Variants in CSMD1 observed in about 807,000 individuals in gnomAD.
CSMD1 encodes CUB and Sushi multiple domains 1.
A neutral mutation model predicts 417.5 loss-of-function variants in CSMD1; 213 were observed. The observed-to-expected ratio is 0.51, with a 90% confidence interval of 0.46 to 0.57. The LOEUF (loss-of-function observed/expected upper bound fraction) is 0.57, where lower values mean the gene tolerates loss of function less well. Among genes scored for constraint, CSMD1 ranks in the 20% least tolerant of loss-of-function variants. CSMD1 has a pLI of 0.00. For synonymous variants in CSMD1, 2,862 were observed against 1,736.8 expected (o/e 1.65, Z -16.11); for missense variants, 6,923 against 4,529.7 (o/e 1.53, Z -15.17).
intron 1 of CSMD1, among the ~76,000 whole-genome samples, chr8:4,767,550 G>C (rs1812546902): frequency 6.6e-6 from 1 of 152,110 alleles, no homozygotes; most frequent in Non-Finnish European, 1.5e-5. Flanking sequence ...ATCCTGTCCT[G>C]TGTGTTCTGG....
At chr8:4,455,031 G>C (rs28483476) in intron 2 of CSMD1, among the ~76,000 whole-genome samples, 1 of 151,938 alleles carries the variant, frequency 6.6e-6, no homozygotes, top group African/African-American at 2.4e-5. Context: ...TCAGTCCGCT[G>C]TCATCAACAC....
intron 6 of CSMD1, among the ~76,000 whole-genome samples, chr8:3,740,248 G>T (rs1365095571): frequency 6.6e-6 from 1 of 152,272 alleles, no homozygotes; most frequent in South Asian, 2.1e-4. Context: ...TGACACTGCA[G>T]GCACCTGCCA....
chr8:4,704,664 G>T (rs1807804898), intron 1 of CSMD1, among the ~76,000 whole-genome samples: 1 of 152,132 alleles, frequency 6.6e-6, no homozygotes, highest in Admixed American at 6.5e-5. Context: ...GTCATTTAAA[G>T]AAAACCAATT....
chr8:3,916,895 G>A (rs527803616), intron 5 of CSMD1, among the ~76,000 whole-genome samples: 1 of 140,436 alleles, frequency 7.1e-6, no homozygotes, highest in African/African-American at 2.5e-5. Flanking sequence ...TCATGAAACA[G>A]AATGAGACAT....
At chr8:4,451,228 G>A (rs966489657) in intron 2 of CSMD1, among the ~76,000 whole-genome samples, 2 of 152,080 alleles carry the variant, frequency 1.3e-5, no homozygotes, top group East Asian at 1.9e-4. Context: ...CTACTTGGGA[G>A]GCTAAGGAGG....
intron 54 of CSMD1, among the ~76,000 whole-genome samples, chr8:2,992,839 G>T (rs1047037552): frequency 6.6e-6 from 1 of 152,110 alleles, no homozygotes; most frequent in African/African-American, 2.4e-5. Flanking sequence ...CCAGGCTCAA[G>T]GGATCCTCCC....
chr8:4,260,633 A>T (rs2680600), intron 3 of CSMD1, among the ~76,000 whole-genome samples: 85 of 152,242 alleles, frequency 5.6e-4, no homozygotes, highest in African/African-American at 2.0e-3. Flanking sequence ...GATATTATTC[A>T]TAAGTCCTTG....
At chr8:4,124,396 G>C (rs143135930) in intron 3 of CSMD1, among the ~76,000 whole-genome samples, 1 of 73,772 alleles carries the variant, frequency 1.4e-5, no homozygotes, top group Admixed American at 1.8e-4. Flanking sequence ...AGGAGACAGG[G>C]GATTTGTATT....
At chr8:3,877,328 G>C (rs1417188153) in intron 5 of CSMD1, among the ~76,000 whole-genome samples, 1 of 152,196 alleles carries the variant, frequency 6.6e-6, no homozygotes, top group Admixed American at 6.5e-5. Flanking sequence ...GTGTCCAGCT[G>C]TGTCCATGAT....
chr8:3,296,703 G>C (rs557085780), intron 25 of CSMD1, among the ~76,000 whole-genome samples: 38 of 152,282 alleles, frequency 2.5e-4, no homozygotes, highest in African/African-American at 8.2e-4. Context: ...GAGAAAACAG[G>C]CTTGGAAGAG....
intron 3 of CSMD1, among the ~76,000 whole-genome samples, chr8:4,210,949 A>T (rs533807101): frequency 7.0e-4 from 107 of 152,296 alleles, no homozygotes; most frequent in South Asian, 3.7e-3. Context: ...GTTCTGCTTT[A>T]AACTTCTCTA....
At chr8:4,416,835 G>T (rs1021703880) in intron 3 of CSMD1, among the ~76,000 whole-genome samples, 2 of 152,004 alleles carry the variant, frequency 1.3e-5, no homozygotes, top group African/African-American at 4.8e-5. Context: ...TAATACTTGA[G>T]ATTTTGATAA....
chr8:4,295,785 TATACAC>T (rs746160063), intron 3 of CSMD1, among the ~76,000 whole-genome samples: 15 of 45,332 alleles, frequency 3.3e-4, no homozygotes, highest in Non-Finnish European at 4.7e-4. Context: ...TATATATATA[TATACAC>T]ACACACATCT....
rs151002874 is a variant in CSMD1, at chr8:4,978,175, T to G, written c.85+16157A>C. Among the ~76,000 whole-genome samples the G allele has an allele frequency of 2.0e-3, 310 of 152,316 alleles. 9 individuals carry two copies. In the East Asian group the frequency reaches 0.053, roughly 26 times the overall value. On this transcript the variant is annotated intron_variant, in intron 1 of 69. Coordinates refer to ENST00000635120, the MANE Select transcript of CSMD1 (RefSeq NM_033225.6). ...AACATCTAATTTTCATGTCATAATT[T>G]GGGATTTATTTTTATATTATAACTT... is the stretch of plus-strand genomic sequence containing the variant.
At chr8:4,992,999 A>T (rs924560773) in intron 1 of CSMD1, among the ~76,000 whole-genome samples, 2 of 152,174 alleles carry the variant, frequency 1.3e-5, no homozygotes, top group African/African-American at 2.4e-5. Context: ...AAGTGCAGGG[A>T]GGGGAAGCCC....
intron 6 of CSMD1, among the ~76,000 whole-genome samples, chr8:3,730,361 T>G (rs1802772311): frequency 7.6e-6 from 1 of 131,114 alleles, no homozygotes; most frequent in Non-Finnish European, 1.6e-5. Flanking sequence ...CAAAAAAATT[T>G]AAGGAGCGAT....
chr8:4,452,869 G>A (rs772041601), intron 2 of CSMD1, among the ~76,000 whole-genome samples: 4 of 152,118 alleles, frequency 2.6e-5, no homozygotes, highest in Non-Finnish European at 5.9e-5. Context: ...ATATAGGAAG[G>A]CCGACTGTGA....
At chr8:3,892,710 G>T (rs1033423938) in intron 5 of CSMD1, among the ~76,000 whole-genome samples, 1 of 134,346 alleles carries the variant, frequency 7.4e-6, no homozygotes, top group African/African-American at 2.7e-5. Context: ...AGTACATTTA[G>T]GCAGGTTTTT....
At chr8:4,153,247 A>T (rs917992656) in intron 3 of CSMD1, among the ~76,000 whole-genome samples, 1 of 152,218 alleles carries the variant, frequency 6.6e-6, no homozygotes, top group African/African-American at 2.4e-5. Context: ...GTATGCCAGA[A>T]ATGATACATA....
Sources: gnomAD v4.1 joint callset for allele counts (sites outside exome capture counted in the v4.1 genomes callset) on GRCh38, gnomAD v4.1.1 for gene constraint, MANE v1.5 for transcripts, NCBI Gene and HGNC (gene_info 2026-07-23, HGNC 2026-07-21) for gene names.